The following SKAP1 variants were observed in gnomAD, a reference collection of about 807,000 sequenced individuals.
SKAP1 encodes src kinase-associated phosphoprotein 1.
A neutral mutation model predicts 58.5 loss-of-function variants in SKAP1; 44 were observed. That is an observed-to-expected ratio of 0.75 (90% CI 0.59 to 0.97). The LOEUF is 0.97. SKAP1 is among the 50% of genes least tolerant of loss of function. The pLI is 0.00. For synonymous variants in SKAP1, 127 were observed against 149.7 expected (o/e 0.85, Z 1.11); for missense variants, 390 against 435.2 (o/e 0.90, Z 0.92).
chr17:48,355,885 A>T (rs1423859111), intron 3 of SKAP1, among the ~76,000 whole-genome samples: 7 of 152,032 alleles, frequency 4.6e-5, no homozygotes, highest in African/African-American at 1.7e-4. Context: ...ATATATACCA[A>T]CGTTCTCAAA....
chr17:48,440,402 G>C, the SKAP1 span, among the ~76,000 whole-genome samples: 1 of 152,136 alleles, frequency 6.6e-6, no homozygotes, highest in South Asian at 2.1e-4. Flanking sequence ...CTGAGGACTG[G>C]GACAACAGTC....
chr17:48,347,272 A>G (rs771957178), intron 3 of SKAP1, among the ~76,000 whole-genome samples: 28 of 152,202 alleles, frequency 1.8e-4, no homozygotes, highest in Non-Finnish European at 3.4e-4. Context: ...CTCAAATACT[A>G]ATTTCCAAAG....
chr17:48,145,581 A>G (rs2063822669), intron 11 of SKAP1, among the ~76,000 whole-genome samples: 1 of 152,006 alleles, frequency 6.6e-6, no homozygotes, highest in Non-Finnish European at 1.5e-5. Context: ...ACCTCCTCAG[A>G]GCTCCTCCTG....
At chr17:48,311,505 G>A (rs1004838081) in intron 4 of SKAP1, among the ~76,000 whole-genome samples, 4 of 152,158 alleles carry the variant, frequency 2.6e-5, no homozygotes, top group African/African-American at 9.7e-5. Context: ...GGTAAGAGGT[G>A]GAGCAGCAAG....
chr17:48,358,917 G>T (rs2144379471), intron 3 of SKAP1, among the ~76,000 whole-genome samples: 1 of 152,218 alleles, frequency 6.6e-6, no homozygotes, highest in South Asian at 2.1e-4. Flanking sequence ...CTAAGTAGAG[G>T]AGCTGGGATT....
chr17:48,350,707 A>G (rs1408502073), intron 3 of SKAP1, among the ~76,000 whole-genome samples: 1 of 152,142 alleles, frequency 6.6e-6, no homozygotes, highest in Non-Finnish European at 1.5e-5. Flanking sequence ...AAAAACAAAC[A>G]AACAAAAAAG....
chr17:48,316,473 G>A (rs34687401), intron 4 of SKAP1, among the ~76,000 whole-genome samples: 277 of 152,276 alleles, frequency 1.8e-3, no homozygotes, highest in African/African-American at 6.0e-3. Flanking sequence ...TGTTCTCAAA[G>A]AGATCTACTG....
chr17:48,375,777 C>A (rs1234480994), intron 2 of SKAP1, among the ~76,000 whole-genome samples: 2 of 151,806 alleles, frequency 1.3e-5, no homozygotes, highest in East Asian at 3.9e-4. Flanking sequence ...AAAAAGGAGT[C>A]ATTGAAAGGT....
intron 4 of SKAP1, among the ~76,000 whole-genome samples, chr17:48,193,127 C>T (rs1416210854): frequency 6.6e-6 from 1 of 152,108 alleles, no homozygotes; most frequent in Non-Finnish European, 1.5e-5. Context: ...CTGCAACCTC[C>T]ACCTCCCGGG....
chr17:48,243,250 C>A (rs1261814533), intron 4 of SKAP1, among the ~76,000 whole-genome samples: 2 of 152,092 alleles, frequency 1.3e-5, no homozygotes, highest in Non-Finnish European at 2.9e-5. Flanking sequence ...CATCTCCCTC[C>A]CTGCCCTTTC....
intron 1 of SKAP1, among the ~76,000 whole-genome samples, chr17:48,403,845 G>C (rs886255594): frequency 5.3e-5 from 8 of 152,162 alleles, no homozygotes; most frequent in Non-Finnish European, 8.8e-5. Context: ...CCAGCACTTT[G>C]GGAGGCAGAG....
chr17:48,292,548 A>G (rs1334364515), intron 4 of SKAP1, among the ~76,000 whole-genome samples: 3 of 152,212 alleles, frequency 2.0e-5, no homozygotes, highest in Non-Finnish European at 4.4e-5. Context: ...TTATACTTTA[A>G]ATCTAGTCTT....
At chr17:48,340,231 A>T (rs940791796) in intron 4 of SKAP1, among the ~76,000 whole-genome samples, 4 of 152,060 alleles carry the variant, frequency 2.6e-5, no homozygotes, top group African/African-American at 9.7e-5. Flanking sequence ...GCTGTCATAG[A>T]TTTAGAGGCG....
At chr17:48,222,946 C>A (rs193234117) in intron 4 of SKAP1, among the ~76,000 whole-genome samples, 1 of 150,488 alleles carries the variant, frequency 6.6e-6, no homozygotes. Context: ...TGCCTGTAAT[C>A]CCAGCTACTC....
intron 4 of SKAP1, among the ~76,000 whole-genome samples, chr17:48,303,776 C>A (rs1037399683): frequency 2.0e-5 from 3 of 152,084 alleles, no homozygotes; most frequent in African/African-American, 7.2e-5. Context: ...TTTATCATAC[C>A]TAGGACACAT....
chr17:48,184,155 C>T (rs9901714), intron 7 of SKAP1, among the ~76,000 whole-genome samples: 3 of 152,040 alleles, frequency 2.0e-5, no homozygotes, highest in Admixed American at 1.3e-4. Flanking sequence ...GAGCACAGTA[C>T]GGAATAAGTC....
intron 4 of SKAP1, among the ~76,000 whole-genome samples, chr17:48,330,564 G>C (rs1009898939): frequency 2.0e-5 from 3 of 152,224 alleles, no homozygotes; most frequent in Non-Finnish European, 2.9e-5. Flanking sequence ...TGGAAGGCTG[G>C]GGGAAGGAGA....
intron 2 of SKAP1, among the ~76,000 whole-genome samples, chr17:48,368,308 T>A (rs2067036512): frequency 6.6e-6 from 1 of 152,214 alleles, no homozygotes; most frequent in Non-Finnish European, 1.5e-5. Context: ...AATTCTATAC[T>A]CTTCAGGAGG....
chr17:48,145,311 T>C (rs1301630713), intron 11 of SKAP1, among the ~76,000 whole-genome samples: 2 of 152,034 alleles, frequency 1.3e-5, no homozygotes, highest in African/African-American at 2.4e-5. Flanking sequence ...GAATGAAGCA[T>C]TGAGTGAACC....
Sources: allele counts gnomAD v4.1 joint callset (sites outside exome capture counted in the v4.1 genomes callset), GRCh38; gene constraint gnomAD v4.1.1; transcripts MANE v1.5; gene names NCBI Gene and HGNC (gene_info 2026-07-23, HGNC 2026-07-21).